Variants in SPAG16 observed in about 807,000 individuals in gnomAD.
The protein encoded by SPAG16 is sperm-associated antigen 16 protein.
SPAG16 carries 86 observed loss-of-function variants against 80.4 expected under a neutral mutation model. That is an observed-to-expected ratio of 1.07 (90% confidence interval 0.90 to 1.28). The LOEUF (loss-of-function observed/expected upper bound fraction) is 1.28. Among genes scored for constraint, SPAG16 ranks in the 50% most tolerant of loss-of-function variants. SPAG16 has a pLI of 0.00. For missense variants in SPAG16, 870 were observed against 765.3 expected, an observed-to-expected ratio of 1.14 and a Z score of -1.61; for synonymous variants, 294 against 265.9, an observed-to-expected ratio of 1.11 and a Z score of -1.03.
chr2:213,740,031 G>C (rs1030326170), intron 10 of SPAG16, among the ~76,000 whole-genome samples: 2 of 152,094 alleles, frequency 1.3e-5, no homozygotes, highest in Admixed American at 6.5e-5. Flanking sequence ...GGAAAGCCAA[G>C]ATTTATTTTG....
chr2:214,378,497 T>G (rs1700260198), intron 15 of SPAG16, among the ~76,000 whole-genome samples: 1 of 152,178 alleles, frequency 6.6e-6, no homozygotes, highest in African/African-American at 2.4e-5. Context: ...GGTTCCCTTA[T>G]AAGTTTGGGA....
chr2:214,394,992 C>T (rs937604877), intron 15 of SPAG16, among the ~76,000 whole-genome samples: 2 of 152,158 alleles, frequency 1.3e-5, no homozygotes, highest in African/African-American at 4.8e-5. Context: ...GCTTCTTTCA[C>T]TTAGTAGTAT....
At chr2:213,573,116 C>T (rs1300927710) in intron 10 of SPAG16, among the ~76,000 whole-genome samples, 2 of 152,124 alleles carry the variant, frequency 1.3e-5, no homozygotes, top group Non-Finnish European at 1.5e-5. Context: ...TGCGCGCACC[C>T]ACTGGCCTGC....
chr2:213,560,913 G>A (rs2059581177), intron 10 of SPAG16, among the ~76,000 whole-genome samples: 1 of 152,208 alleles, frequency 6.6e-6, no homozygotes, highest in Non-Finnish European at 1.5e-5. Context: ...GCCTAGGCTG[G>A]AGTGCAGTGG....
intron 10 of SPAG16, among the ~76,000 whole-genome samples, chr2:213,654,563 A>C (rs1350025059): frequency 6.9e-6 from 1 of 145,082 alleles, no homozygotes; most frequent in African/African-American, 2.8e-5. Context: ...AAAAAAAAAA[A>C]AAAATTAGCC....
intron 10 of SPAG16, among the ~76,000 whole-genome samples, chr2:213,594,539 C>G (rs535145761): frequency 4.3e-4 from 66 of 152,232 alleles, no homozygotes; most frequent in African/African-American, 1.5e-3. Flanking sequence ...TTTTCTCTTT[C>G]TATACCTGGC....
intron 14 of SPAG16, among the ~76,000 whole-genome samples, chr2:214,125,920 T>A (rs1046311516): frequency 6.6e-6 from 1 of 151,508 alleles, no homozygotes; most frequent in Non-Finnish European, 1.5e-5. Context: ...AGAAATGTGA[T>A]TGGGCAAAAG....
chr2:213,659,139 T>C (rs1056317109), intron 10 of SPAG16, among the ~76,000 whole-genome samples: 1 of 152,246 alleles, frequency 6.6e-6, no homozygotes, highest in Admixed American at 6.5e-5. Context: ...ATAGCTCTTA[T>C]GTCTAACCAT....
chr2:214,368,093 C>T lies in SPAG16; in HGVS notation c.1721-42047C>T, dbSNP rs540966059. On this transcript the variant is annotated intron_variant, in intron 15 of 15. Transcript: ENST00000331683. ...CAGCTTGAACTTTCTATGAAGTCTA[C>T]GGAGCCTCCTCTTTAGTTACATAAG... is the stretch of plus-strand genomic sequence containing the variant. Among the ~76,000 whole-genome samples, 12 of 152,188 alleles carry T rather than the reference C, an allele frequency of 7.9e-5. No individual in the cohort carries two copies. In the East Asian group the frequency reaches 9.7e-4, roughly 12 times the overall value.
chr2:213,953,240 A>G (rs998535426), intron 12 of SPAG16, among the ~76,000 whole-genome samples: 1 of 151,998 alleles, frequency 6.6e-6, no homozygotes, highest in African/African-American at 2.4e-5. Context: ...AATCTGAAAT[A>G]AAGATTACTT....
chr2:213,618,292 C>A (rs1185097083), intron 10 of SPAG16, among the ~76,000 whole-genome samples: 1 of 152,180 alleles, frequency 6.6e-6, no homozygotes, highest in Non-Finnish European at 1.5e-5. Context: ...TTATGAACTT[C>A]CTCACAATGC....
intron 7 of SPAG16, among the ~76,000 whole-genome samples, chr2:213,357,078 C>T (rs947666968): frequency 6.6e-6 from 1 of 152,112 alleles, no homozygotes; most frequent in Non-Finnish European, 1.5e-5. Context: ...TTTCTTAATC[C>T]TGAGTTCCAA....
intron 13 of SPAG16, among the ~76,000 whole-genome samples, chr2:214,035,217 T>C (rs904983718): frequency 5.9e-5 from 9 of 152,134 alleles, no homozygotes; most frequent in African/African-American, 2.2e-4. Context: ...GGGGAGGAAG[T>C]GCACACTGAT....
At chr2:213,834,474 T>C (rs2073968493) in intron 10 of SPAG16, among the ~76,000 whole-genome samples, 2 of 152,186 alleles carry the variant, frequency 1.3e-5, no homozygotes. Flanking sequence ...AAGCTCAGAT[T>C]CTTCTTATCC....
chr2:213,516,289 T>C (rs894841126), intron 10 of SPAG16, among the ~76,000 whole-genome samples: 4 of 152,158 alleles, frequency 2.6e-5, no homozygotes, highest in African/African-American at 9.7e-5. Context: ...ATAATAAAAA[T>C]AATCAATTCA....
chr2:213,726,345 C>G (rs1397466071), intron 10 of SPAG16, among the ~76,000 whole-genome samples: 1 of 152,178 alleles, frequency 6.6e-6, no homozygotes, highest in African/African-American at 2.4e-5. Flanking sequence ...GGATTGATTC[C>G]TACCCTTCAT....
At chr2:214,317,034 A>T (rs1375846011) in intron 15 of SPAG16, among the ~76,000 whole-genome samples, 1 of 152,234 alleles carries the variant, frequency 6.6e-6, no homozygotes, top group Non-Finnish European at 1.5e-5. Flanking sequence ...CACAAACAGT[A>T]ACATCCCCTT....
At chr2:213,923,202 GA>G (rs34808886) in intron 11 of SPAG16, among the ~76,000 whole-genome samples, 40,454 of 152,056 alleles carry the variant, frequency 0.27, 5,686 homozygotes, top group East Asian at 0.44. Context: ...GGTTGGTGGG[GA>G]TGCTTGTCCT....
intron 15 of SPAG16, among the ~76,000 whole-genome samples, chr2:214,223,375 T>C (rs957278428): frequency 1.3e-5 from 2 of 152,104 alleles, no homozygotes; most frequent in South Asian, 4.1e-4. Context: ...TATTTTACAG[T>C]AGTAGGTTCA....
Sources: gnomAD v4.1 joint callset for allele counts (sites outside exome capture counted in the v4.1 genomes callset) on GRCh38, gnomAD v4.1.1 for gene constraint, MANE v1.5 for transcripts, NCBI Gene and HGNC (gene_info 2026-07-23, HGNC 2026-07-21) for gene names.